CSMD1: variants seen among roughly 807,000 people sequenced by gnomAD.
CSMD1 encodes the protein CUB and sushi domain-containing protein 1.
A neutral mutation model predicts 417.5 loss-of-function variants in CSMD1; 213 were observed. That is an observed-to-expected ratio of 0.51 (90% CI 0.46 to 0.57). The LOEUF is 0.57. Among genes scored for constraint, CSMD1 ranks in the 20% least tolerant of loss-of-function variants. The pLI, the probability that CSMD1 is intolerant of heterozygous loss-of-function variation, is 0.00. For missense variants in CSMD1, 6,923 were observed against 4,529.7 expected (o/e 1.53, Z -15.17); for synonymous variants, 2,862 against 1,736.8 (o/e 1.65, Z -16.11).
intron 5 of CSMD1, among the ~76,000 whole-genome samples, chr8:3,900,100 A>G (rs146313644): frequency 6.6e-6 from 1 of 151,852 alleles, no homozygotes; most frequent in Admixed American, 6.6e-5. Context: ...GTGATGGTGC[A>G]GCTGGTTGGC....
intron 12 of CSMD1, among the ~76,000 whole-genome samples, chr8:3,442,504 T>C (rs531162148): frequency 1.3e-3 from 200 of 152,330 alleles, no homozygotes; most frequent in African/African-American, 4.6e-3. Flanking sequence ...GATACACAAA[T>C]GTTACTTCTT....
intron 1 of CSMD1, among the ~76,000 whole-genome samples, chr8:4,872,349 G>C (rs1313926520): frequency 6.6e-6 from 1 of 152,024 alleles, no homozygotes; most frequent in Non-Finnish European, 1.5e-5. Flanking sequence ...ACATGTCAAG[G>C]AAGAGAACAG....
intron 3 of CSMD1, among the ~76,000 whole-genome samples, chr8:4,103,619 T>G (rs950160783): frequency 1.3e-5 from 2 of 152,142 alleles, no homozygotes; most frequent in African/African-American, 4.8e-5. Flanking sequence ...TAAACACTTG[T>G]GTAGTCTTAA....
chr8:4,195,317 G>T (rs1275310512), intron 3 of CSMD1, among the ~76,000 whole-genome samples: 1 of 152,080 alleles, frequency 6.6e-6, no homozygotes, highest in African/African-American at 2.4e-5. Flanking sequence ...GGCAGAAAAG[G>T]CAAATTCTAT....
At chr8:4,197,453 G>A (rs372953395) in intron 3 of CSMD1, among the ~76,000 whole-genome samples, 12 of 152,250 alleles carry the variant, frequency 7.9e-5, no homozygotes, top group African/African-American at 2.4e-4. Flanking sequence ...ATGTAGGTGG[G>A]CCCCGTTTCA....
chr8:4,604,654 C>G (rs1461908148), intron 2 of CSMD1, among the ~76,000 whole-genome samples: 3 of 152,062 alleles, frequency 2.0e-5, no homozygotes, highest in Non-Finnish European at 4.4e-5. Context: ...ATCAGAACAT[C>G]ACCAATCTGT....
intron 7 of CSMD1, among the ~76,000 whole-genome samples, chr8:3,691,663 C>G (rs547867198): frequency 6.6e-6 from 1 of 152,238 alleles, no homozygotes; most frequent in South Asian, 2.1e-4. Flanking sequence ...GTGGCAGGCA[C>G]TGGGCTAAGT....
intron 3 of CSMD1, among the ~76,000 whole-genome samples, chr8:4,308,352 G>A (rs980524476): frequency 2.6e-5 from 4 of 151,948 alleles, no homozygotes; most frequent in African/African-American, 4.8e-5. Context: ...TGGTGCGTGT[G>A]CACTGTGTGT....
chr8:3,415,781 GGA>G (rs1275396144), intron 12 of CSMD1, among the ~76,000 whole-genome samples: 1 of 152,096 alleles, frequency 6.6e-6, no homozygotes, highest in Non-Finnish European at 1.5e-5. Context: ...ACTGAGATCT[GGA>G]AAAATGGAAA....
chr8:3,894,484 A>C (rs888468145), intron 5 of CSMD1, among the ~76,000 whole-genome samples: 4 of 152,212 alleles, frequency 2.6e-5, no homozygotes, highest in African/African-American at 9.6e-5. Context: ...CAAATATAGA[A>C]CTACAAGTAG....
intron 5 of CSMD1, among the ~76,000 whole-genome samples, chr8:3,931,719 T>A (rs1271693033): frequency 1.3e-5 from 2 of 148,872 alleles, no homozygotes; most frequent in Non-Finnish European, 3.0e-5. Context: ...AGGACAGCAT[T>A]ACAAGGCTTT....
chr8:3,941,996 C>A (rs1810915589), intron 5 of CSMD1, among the ~76,000 whole-genome samples: 1 of 152,168 alleles, frequency 6.6e-6, no homozygotes, highest in Non-Finnish European at 1.5e-5. Context: ...CCTGCACTCT[C>A]CTCCTGTCAG....
intron 10 of CSMD1, among the ~76,000 whole-genome samples, chr8:3,518,139 G>C (rs972853751): frequency 8.8e-5 from 13 of 146,972 alleles, no homozygotes; most frequent in African/African-American, 3.0e-4. Flanking sequence ...ACTATTTCTA[G>C]AAAAAAAAGA....
intron 54 of CSMD1, among the ~76,000 whole-genome samples, chr8:2,992,434 T>C (rs79659187): frequency 6.8e-6 from 1 of 146,786 alleles, no homozygotes; most frequent in Admixed American, 6.8e-5. Flanking sequence ...GTTGTTGCTG[T>C]TTTTTTTTTA....
chr8:4,945,570 G>A (rs149721760), intron 1 of CSMD1, among the ~76,000 whole-genome samples: 321 of 151,264 alleles, frequency 2.1e-3, no homozygotes, highest in African/African-American at 7.3e-3. Flanking sequence ...AAAAAATAAA[G>A]ACAAGAATAG....
chr8:4,173,215 C>G (rs1406799134), intron 3 of CSMD1, among the ~76,000 whole-genome samples: 2 of 152,058 alleles, frequency 1.3e-5, no homozygotes, highest in African/African-American at 4.8e-5. Context: ...GATAAACGAC[C>G]AATAACTCTT....
intron 1 of CSMD1, among the ~76,000 whole-genome samples, chr8:4,993,855 T>C (rs916895245): frequency 1.3e-5 from 2 of 151,966 alleles, no homozygotes; most frequent in Non-Finnish European, 2.9e-5. Context: ...CCTTTGCCTA[T>C]TGGTACCAAA....
At chr8:4,281,281 A>G (rs1465421390) in intron 3 of CSMD1, among the ~76,000 whole-genome samples, 1 of 152,216 alleles carries the variant, frequency 6.6e-6, no homozygotes, top group Non-Finnish European at 1.5e-5. Flanking sequence ...TTATGGGAAA[A>G]TAGAAGGTAG....
intron 1 of CSMD1, among the ~76,000 whole-genome samples, chr8:4,986,980 A>C (rs1398259349): frequency 6.6e-6 from 1 of 152,156 alleles, no homozygotes; most frequent in Non-Finnish European, 1.5e-5. Flanking sequence ...TACATAGATA[A>C]TGTTTATATA....
Sources: gnomAD v4.1 joint callset for allele counts (sites outside exome capture counted in the v4.1 genomes callset) on GRCh38, gnomAD v4.1.1 for gene constraint, MANE v1.5 for transcripts, NCBI Gene and HGNC (gene_info 2026-07-23, HGNC 2026-07-21) for gene names.